The following ADGRG2 variants were observed in gnomAD, a reference collection of about 807,000 sequenced individuals.
ADGRG2 encodes the protein adhesion G protein-coupled receptor G2, also known as G protein-coupled receptor 64.
In ADGRG2, 26 loss-of-function variants were observed where a neutral mutation model predicts 74.1. The observed-to-expected ratio is 0.35, with a 90% CI of 0.26 to 0.49. The LOEUF is 0.49. Among genes scored for constraint, ADGRG2 ranks in the 20% least tolerant of loss-of-function variants. The pLI, the probability that ADGRG2 is intolerant of heterozygous loss-of-function variation, is 0.99. For synonymous variants in ADGRG2, 296 were observed against 295.2 expected (o/e 1.00, Z -0.03); for missense variants, 619 against 763.1 (o/e 0.81, Z 2.22).
chrX:19,086,196 A>G (rs1274050455), intron 1 of ADGRG2, among the ~76,000 whole-genome samples: 2 of 111,664 alleles, frequency 1.8e-5, no homozygotes, highest in Non-Finnish European at 3.8e-5. Flanking sequence ...GATGAGCACC[A>G]GCGCTTCAGT....
At position 19,004,742 on chromosome X, in the gene ADGRG2, G is replaced by T. The variant is rs143533363; in HGVS notation, c.1961+16C>A. ...TGCTGAGTCCTAAATCCAAATTTCC[G>T]GTTGTGGATACTCACTCAAAAGCTA... is the stretch of plus-strand genomic sequence containing the variant. On this transcript the variant is annotated intron_variant, in intron 23 of 28. Coordinates refer to ENST00000379869, the MANE Select transcript of ADGRG2 (RefSeq NM_001079858.3). 4 of 1,200,685 alleles carry T rather than the reference G, an allele frequency of 3.3e-6. No individual in the cohort carries two copies. In the East Asian group the frequency reaches 8.9e-5, roughly 27 times the overall value.
intron 26 of ADGRG2, among the ~76,000 whole-genome samples, chrX:18,998,046 A>G (rs2060050088): frequency 8.9e-6 from 1 of 112,560 alleles, no homozygotes; most frequent in African/African-American, 3.2e-5. Flanking sequence ...AAAGAGTACA[A>G]CTATCAGGGT....
chrX:19,081,412 T>G (rs897773754), intron 2 of ADGRG2, among the ~76,000 whole-genome samples: 6 of 111,517 alleles, frequency 5.4e-5, no homozygotes, highest in Non-Finnish European at 9.4e-5. Flanking sequence ...AGCACATGGT[T>G]GGCGGTCATC....
intron 1 of ADGRG2, among the ~76,000 whole-genome samples, chrX:19,114,548 T>C (rs904692995): frequency 8.1e-5 from 9 of 110,990 alleles, no homozygotes; most frequent in Non-Finnish European, 5.7e-5. Flanking sequence ...CTATTAATGC[T>C]TGGGCCGGAT....
At chrX:19,061,373 T>A (rs769521695) in intron 3 of ADGRG2, among the ~76,000 whole-genome samples, 1 of 111,828 alleles carries the variant, frequency 8.9e-6, no homozygotes, top group South Asian at 3.8e-4. Flanking sequence ...AGAAAAGATG[T>A]CACCATTACC....
intron 2 of ADGRG2, among the ~76,000 whole-genome samples, chrX:19,070,203 G>A: frequency 8.9e-6 from 1 of 112,811 alleles, no homozygotes; most frequent in Non-Finnish European, 1.9e-5. Flanking sequence ...AGTTTCATCA[G>A]TACATTGCAT....
chrX:18,993,574 G>A (rs1381598309), intron 28 of ADGRG2, among the ~76,000 whole-genome samples: 2 of 107,677 alleles, frequency 1.9e-5, no homozygotes, highest in African/African-American at 6.8e-5. Context: ...CCAGCTACTC[G>A]GGTGGCTGAG....
chrX:19,076,877 C>T (rs1012745444), intron 2 of ADGRG2, among the ~76,000 whole-genome samples: 1 of 111,173 alleles, frequency 9.0e-6, no homozygotes, highest in African/African-American at 3.3e-5. Flanking sequence ...ACATAGGAGA[C>T]AATATATGCA....
Position 19,033,627 on chromosome X carries a change from GT to G in ADGRG2, c.289del (p.Thr97ProfsTer46). On this transcript the variant is annotated frameshift_variant, in exon 8 of 29. Transcript: ENST00000379869. LOFTEE classifies it high-confidence loss of function. ...ATAAGTCATACCTGATGCATTGAAG[GT>G]TTTTACTATAGTGATTTTAGTTTTT... ...TEKTKITIVK[T>X]FNASGVKPQR... is the part of the protein sequence containing the mutation. The G allele has an allele frequency of 1.2e-6, 1 of 829,851 alleles. No individual in the cohort carries two copies. The highest frequency in any genetic ancestry group is 1.8e-6 in the Non-Finnish European group (1 of 562,369). 68.4% of individuals were successfully genotyped at this position (829,851 alleles called of 1,213,427 possible). A position where few individuals can be genotyped will look rare whatever the true frequency, so the allele number is the denominator to read the frequency against.
At chrX:19,054,887 C>T (rs190595411) in intron 3 of ADGRG2, among the ~76,000 whole-genome samples, 119 of 111,291 alleles carry the variant, frequency 1.1e-3, no homozygotes, top group Middle Eastern at 4.7e-3. Context: ...CAGGGAGGTG[C>T]GGGGCCTGTA....
At chrX:19,019,055 C>T (rs367736973) in intron 15 of ADGRG2, among the ~76,000 whole-genome samples, 5 of 111,493 alleles carry the variant, frequency 4.5e-5, no homozygotes, top group Non-Finnish European at 9.4e-5. Flanking sequence ...CCGTGTTAGC[C>T]GGGATGGTCT....
At chrX:19,038,591 G>T (rs963212053) in intron 4 of ADGRG2, among the ~76,000 whole-genome samples, 8 of 112,193 alleles carry the variant, frequency 7.1e-5, no homozygotes, top group Admixed American at 3.8e-4. Context: ...CAAAATAATT[G>T]GCCACAACTA....
chrX:19,109,801 T>C (rs929159651), intron 1 of ADGRG2, among the ~76,000 whole-genome samples: 4 of 112,118 alleles, frequency 3.6e-5, no homozygotes, highest in Non-Finnish European at 5.6e-5. Flanking sequence ...ACCAGTCTTG[T>C]AGTTAGGAGG....
intron 15 of ADGRG2, among the ~76,000 whole-genome samples, chrX:19,014,298 G>C (rs2060421117): frequency 9.0e-6 from 1 of 111,013 alleles, no homozygotes; most frequent in African/African-American, 3.3e-5. Flanking sequence ...TGGGCAAGGA[G>C]AGATGCTCTT....
intron 18 of ADGRG2, 62 bp from the exon 19 acceptor site, chrX:19,008,185 C>A: frequency 1.2e-6 from 1 of 860,865 alleles, no homozygotes; most frequent in Admixed American, 3.2e-5. Context: ...ATGGAAAACA[C>A]ATCTATTAAG....
chrX:19,061,875 T>C (rs1380705727), intron 3 of ADGRG2, among the ~76,000 whole-genome samples: 1 of 111,766 alleles, frequency 8.9e-6, no homozygotes, highest in African/African-American at 3.3e-5. Context: ...GCTCACCCAG[T>C]GCTGAGCCCT....
chrX:19,103,482 T>C (rs1457065700), intron 1 of ADGRG2, among the ~76,000 whole-genome samples: 1 of 111,857 alleles, frequency 8.9e-6, no homozygotes, highest in Non-Finnish European at 1.9e-5. Context: ...CTTTATTCCT[T>C]TACTTTCTTA....
chrX:19,094,917 C>CT (rs1347877819), intron 1 of ADGRG2, among the ~76,000 whole-genome samples: 2 of 112,142 alleles, frequency 1.8e-5, no homozygotes, highest in African/African-American at 6.5e-5. Flanking sequence ...CTTTCTCCTT[C>CT]TTTTTTTAGT....
chrX:19,048,293 G>A (rs1243933740), intron 3 of ADGRG2, among the ~76,000 whole-genome samples: 1 of 112,503 alleles, frequency 8.9e-6, no homozygotes, highest in Non-Finnish European at 1.9e-5. Context: ...AGCCCCCAAA[G>A]GGGGTCTATC....
Sources: gnomAD v4.1 joint callset for allele counts (sites outside exome capture counted in the v4.1 genomes callset) on GRCh38, gnomAD v4.1.1 for gene constraint, MANE v1.5 for transcripts, NCBI Gene and HGNC (gene_info 2026-07-23, HGNC 2026-07-21) for gene names.